SUGCT: variants seen among roughly 807,000 people sequenced by gnomAD.
SUGCT encodes succinyl-CoA:glutarate CoA-transferase.
A neutral mutation model predicts 55.0 loss-of-function variants in SUGCT; 41 were observed. The observed-to-expected ratio is 0.74, with a 90% confidence interval of 0.58 to 0.97. The LOEUF is 0.97. Ranked by LOEUF, SUGCT falls within the 50% of genes least tolerant of loss-of-function variation. The pLI is 0.00. For synonymous variants in SUGCT, 187 were observed against 200.4 expected, an observed-to-expected ratio of 0.93 and a Z score of 0.56; for missense variants, 568 against 547.8, an observed-to-expected ratio of 1.04 and a Z score of -0.37.
intron 9 of SUGCT, among the ~76,000 whole-genome samples, chr7:40,370,936 AC>A (rs1321425642): frequency 1.3e-5 from 2 of 152,168 alleles, no homozygotes; most frequent in Admixed American, 1.3e-4. Flanking sequence ...ATCTTAGTTA[AC>A]TCTCAGTACT....
In SUGCT at chr7:40,194,951, T is replaced by TTG. The variant is rs771854049; in HGVS notation, c.378_379dup (p.Asp127ValfsTer23). On this transcript the variant is annotated frameshift_variant, in exon 6 of 14. Coordinates refer to ENST00000335693, the MANE Select transcript of SUGCT (RefSeq NM_001193313.2). LOFTEE classifies it high-confidence loss of function. ...ACCTCTTCCATCAGCTTGCAGCTGTTTGTGATGTGTTTGTGGAAAACTATG... is the reference window on the plus strand; with the variant it reads ...ACCTCTTCCATCAGCTTGCAGCTGTTTGTGTGATGTGTTTGTGGAAAACTATG... The TTG allele has an allele frequency of 2.5e-6, 4 of 1,613,364 alleles. No homozygotes were observed. The highest frequency in any genetic ancestry group is 3.4e-6 in the Non-Finnish European group (4 of 1,179,726).
intron 12 of SUGCT, among the ~76,000 whole-genome samples, chr7:40,600,100 A>G (rs1490843395): frequency 6.6e-6 from 1 of 152,200 alleles, no homozygotes; most frequent in Non-Finnish European, 1.5e-5. Flanking sequence ...CCATACCTGA[A>G]GTTGAAAGCA....
At chr7:40,899,404 G>T in the SUGCT span, among the ~76,000 whole-genome samples, 1 of 152,262 alleles carries the variant, frequency 6.6e-6, no homozygotes, top group African/African-American at 2.4e-5. Flanking sequence ...CGCAGGCTGC[G>T]CCAAAGCCTC....
intron 1 of SUGCT, among the ~76,000 whole-genome samples, chr7:40,156,453 A>G (rs1056256208): frequency 1.3e-5 from 2 of 152,040 alleles, no homozygotes; most frequent in Non-Finnish European, 2.9e-5. Flanking sequence ...ACAGAGTGAG[A>G]CTCTGCCTCA....
the SUGCT span, among the ~76,000 whole-genome samples, chr7:41,003,572 G>C: frequency 6.6e-6 from 1 of 152,166 alleles, no homozygotes; most frequent in Non-Finnish European, 1.5e-5. Flanking sequence ...CCATGCATCA[G>C]ACAAAATTTC....
intron 6 of SUGCT, among the ~76,000 whole-genome samples, chr7:40,206,783 A>G (rs1464475481): frequency 2.6e-5 from 4 of 152,214 alleles, no homozygotes; most frequent in African/African-American, 9.6e-5. Flanking sequence ...ATGACAAGAA[A>G]AGAAAATGTA....
intron 9 of SUGCT, among the ~76,000 whole-genome samples, chr7:40,422,329 A>G (rs1016043445): frequency 2.6e-5 from 4 of 152,130 alleles, no homozygotes; most frequent in Non-Finnish European, 5.9e-5. Flanking sequence ...TATTGGGGCA[A>G]TCACTGCTAA....
intron 9 of SUGCT, among the ~76,000 whole-genome samples, chr7:40,339,420 T>C (rs1410843049): frequency 6.6e-6 from 1 of 152,090 alleles, no homozygotes; most frequent in Non-Finnish European, 1.5e-5. Flanking sequence ...GGCCGCTTTG[T>C]TTACCTACTC....
At chr7:40,460,370 AC>A (rs1789725936) in intron 11 of SUGCT, among the ~76,000 whole-genome samples, 1 of 152,142 alleles carries the variant, frequency 6.6e-6, no homozygotes, top group African/African-American at 2.4e-5. Context: ...GTTAAATATA[AC>A]TCTGATTCTA....
intron 9 of SUGCT, among the ~76,000 whole-genome samples, chr7:40,416,977 G>C (rs1283170163): frequency 6.6e-6 from 1 of 151,814 alleles, no homozygotes; most frequent in Admixed American, 6.6e-5. Context: ...TATCAGTTTT[G>C]GTAATTTGTA....
At chr7:40,376,147 A>G (rs914015565) in intron 9 of SUGCT, among the ~76,000 whole-genome samples, 6 of 152,200 alleles carry the variant, frequency 3.9e-5, no homozygotes, top group African/African-American at 9.6e-5. Context: ...TGGATGTAAA[A>G]GTTTAAATGA....
intron 12 of SUGCT, among the ~76,000 whole-genome samples, chr7:40,574,162 C>T (rs2151695495): frequency 6.6e-6 from 1 of 152,206 alleles, no homozygotes; most frequent in East Asian, 1.9e-4. Flanking sequence ...CCTGGATACT[C>T]ACCTCCCCTC....
At chr7:40,816,063 C>G (rs1791654519) in intron 13 of SUGCT, among the ~76,000 whole-genome samples, 1 of 152,224 alleles carries the variant, frequency 6.6e-6, no homozygotes, top group African/African-American at 2.4e-5. Flanking sequence ...GCAAGTCTCA[C>G]TGCCCAAGAG....
At chr7:40,158,730 A>G (rs1382970568) in intron 1 of SUGCT, among the ~76,000 whole-genome samples, 1 of 152,242 alleles carries the variant, frequency 6.6e-6, no homozygotes, top group Non-Finnish European at 1.5e-5. Flanking sequence ...AGCCTGGGTA[A>G]CAGAGTGAGA....
intron 11 of SUGCT, among the ~76,000 whole-genome samples, chr7:40,467,683 A>G (rs973861580): frequency 6.6e-6 from 1 of 152,048 alleles, no homozygotes; most frequent in Admixed American, 6.5e-5. Flanking sequence ...TTTTCTGCCA[A>G]ACTGTAATTC....
At chr7:40,597,854 CAT>C (rs1798095340) in intron 12 of SUGCT, among the ~76,000 whole-genome samples, 1 of 152,124 alleles carries the variant, frequency 6.6e-6, no homozygotes, top group Non-Finnish European at 1.5e-5. Flanking sequence ...GTTCCTGTAA[CAT>C]AATTCAGCCT....
intron 13 of SUGCT, among the ~76,000 whole-genome samples, chr7:40,816,770 GC>G (rs1214606404): frequency 6.6e-6 from 1 of 152,154 alleles, no homozygotes; most frequent in Admixed American, 6.5e-5. Flanking sequence ...TTATTCTTTA[GC>G]AAGCCCATTG....
At chr7:40,572,873 A>AAG (rs1796528180) in intron 12 of SUGCT, among the ~76,000 whole-genome samples, 1 of 152,154 alleles carries the variant, frequency 6.6e-6, no homozygotes, top group South Asian at 2.1e-4. Flanking sequence ...TGTGGCATCA[A>AAG]ACTTCTGTGA....
At chr7:40,575,341 CA>C (rs1796680174) in intron 12 of SUGCT, among the ~76,000 whole-genome samples, 2 of 152,040 alleles carry the variant, frequency 1.3e-5, no homozygotes, top group African/African-American at 4.8e-5. Context: ...TAAAAAACAA[CA>C]ACAACAACAA....
Sources: allele counts gnomAD v4.1 joint callset (sites outside exome capture counted in the v4.1 genomes callset), GRCh38; gene constraint gnomAD v4.1.1; transcripts MANE v1.5; gene names NCBI Gene and HGNC (gene_info 2026-07-23, HGNC 2026-07-21).